The following CIC variants were observed in gnomAD, a reference collection of about 807,000 sequenced individuals.
CIC encodes capicua transcriptional repressor, also known as protein capicua homolog.
In CIC, 18 loss-of-function variants were observed where a neutral mutation model predicts 115.7. The ratio of observed to expected loss-of-function variants is 0.16; its 90% CI spans 0.11 to 0.23. CIC has a LOEUF of 0.23. CIC is among the 10% of genes least tolerant of loss of function. The pLI is 1.00. For synonymous variants in CIC, 1,076 were observed against 923.0 expected, an observed-to-expected ratio of 1.17 and a Z score of -3.01; for missense variants, 2,000 against 2,159.3, an observed-to-expected ratio of 0.93 and a Z score of 1.46.
At position 42,270,352 on chromosome 19, in the gene CIC, C is replaced by T. The variant is rs1015490425; in HGVS notation, c.-11+971C>T. Among the ~76,000 whole-genome samples the T allele has an allele frequency of 6.6e-6, 1 of 152,102 alleles. No homozygotes were observed. Among genetic ancestry groups the T allele is most frequent in the Non-Finnish European group, 1.5e-5 (1 of 68,008 alleles). On this transcript the variant is annotated intron_variant, in intron 1 of 20. Coordinates refer to ENST00000681038, the MANE Select transcript of CIC (RefSeq NM_001386298.1). The surrounding 1 kb of genome is among the most constrained non-coding windows in gnomAD (Gnocchi z 4.1). ...AGTGAGAGAGCATGAGGTCAAGGGT[C>T]CCCCAGTAGCTGGAAGACTGAGTCG...
intron 2 of CIC, among the ~76,000 whole-genome samples, chr19:42,281,695 G>A (rs1442811658): frequency 6.6e-6 from 1 of 152,142 alleles, no homozygotes; most frequent in East Asian, 1.9e-4. Context: ...CTGGCCCAGC[G>A]CCCAGGGCAG....
chr19:42,291,865 TC>T (rs1398961761), intron 12 of CIC, 120 bp downstream of exon 12: 6 of 1,372,784 alleles, frequency 4.4e-6, no homozygotes, highest in Non-Finnish European at 6.2e-6. Context: ...CTTGCCATCT[TC>T]CGTGATGTCT....
At chr19:42,292,536 G>T in intron 14 of CIC, 30 bp from the exon 15 acceptor site, 1 of 1,612,340 alleles carries the variant, frequency 6.2e-7, no homozygotes, top group African/African-American at 1.3e-5. Context: ...CCCTAACTTG[G>T]TCTCCTGCTT....
In CIC at chr19:42,294,810, T is replaced by C; in HGVS notation, c.7187-14T>C. On this transcript the variant is annotated splice_polypyrimidine_tract_variant and intron_variant, in intron 20 of 20. Coordinates refer to ENST00000681038, the MANE Select transcript of CIC (RefSeq NM_001386298.1). ...CATCTCATCCTGTGCTCCCCACCGT[T>C]TTTCTATCTCCAGCCCAGGCCACAG... is the stretch of plus-strand genomic sequence containing the variant. 1 of 1,604,820 alleles carries C rather than the reference T, an allele frequency of 6.2e-7. No individual in the cohort carries two copies.
At chr19:42,294,134 C>T (rs2038351179) in intron 18 of CIC, 39 bp from the exon 19 acceptor site, 2 of 1,613,850 alleles carry the variant, frequency 1.2e-6, no homozygotes, top group Non-Finnish European at 1.7e-6. Flanking sequence ...GGAGGGCAGA[C>T]TGGGGCCACC....
intron 2 of CIC, among the ~76,000 whole-genome samples, chr19:42,278,545 G>A (rs1232406831): frequency 6.6e-6 from 1 of 152,156 alleles, no homozygotes. Context: ...CCTCGTCTGA[G>A]CTTTCAGCCC....
At position 42,287,733 on chromosome 19, in the gene CIC, G is replaced by T; in HGVS notation, c.3492+6G>T. On this transcript the variant is annotated splice_donor_region_variant and intron_variant, in intron 6 of 20. Coordinates refer to ENST00000681038, the MANE Select transcript of CIC (RefSeq NM_001386298.1). The surrounding 1 kb of genome is among the most constrained non-coding windows in gnomAD (Gnocchi z 8.7). ...ACCACGACCTGGCCTTCCAGGTAAC[G>T]CTGTTGCCTCTTGGCTCCTCCCAGC... 6.2e-7 allele frequency: 1 copy of T among 1,614,172 alleles called. No homozygotes were observed. Among genetic ancestry groups the T allele is most frequent in the Non-Finnish European group, 8.5e-7 (1 of 1,180,026 alleles).
rs1050416819 is a variant in CIC at position 42,287,693 on chromosome 19, A to T, written c.3458A>T (p.Lys1153Met). Reference protein sequence around the residue: ...LGEWWYALGPKEKQKYHDLAF... With the variant: ...LGEWWYALGPMEKQKYHDLAF... ...GAGTGGTGGTATGCCCTGGGGCCCAAGGAGAAGCAGAAGTACCACGACCTG... is the reference window on the plus strand; with the variant it reads ...GAGTGGTGGTATGCCCTGGGGCCCATGGAGAAGCAGAAGTACCACGACCTG... Residue 1153 changes from lysine (K) to methionine (M), a missense_variant, in exon 6 of 21, where the codon AAG (lysine) becomes ATG (methionine). This residue lies in a region of CIC where 22 missense variants were observed against 93.8 expected (regional missense o/e 0.23). Coordinates refer to ENST00000681038, the MANE Select transcript of CIC (RefSeq NM_001386298.1). This position sits in a 1 kb window ranked among gnomAD's most constrained non-coding sequence, Gnocchi z 8.7. 6.2e-7 allele frequency: 1 copy of T among 1,614,024 alleles called. No homozygotes were observed. Among genetic ancestry groups the T allele is most frequent in the African/African-American group, 1.3e-5 (1 of 74,944 alleles).
Position 42,292,375 on chromosome 19 carries a change from A to G in CIC, c.5811A>G (p.Thr1937=), listed in dbSNP as rs141843292. The change falls in exon 14 of 21, where the codon ACA becomes ACG. Residue 1937 remains threonine (T), a synonymous_variant. Transcript: ENST00000681038. ...GCCCTGCGTCCAGCCAGGCTGGAAC[A>G]GTCACCTCGTACGGGCCCACGAGCT... ...GTSPASSQAG[T]VTSYGPTSSV... 1.2e-4 allele frequency: 201 copies of G among 1,612,862 alleles called. No homozygotes were observed. The highest frequency in any genetic ancestry group is 9.7e-4 in the Admixed American group (58 of 60,026).
intron 2 of CIC, among the ~76,000 whole-genome samples, chr19:42,283,679 C>T (rs894459316): frequency 6.6e-5 from 10 of 152,000 alleles, no homozygotes; most frequent in African/African-American, 2.4e-4. Context: ...CCGAGCCGCG[C>T]GTGAGCGTGT....
rs2037173485 is a variant in CIC at position 42,280,364 on chromosome 19, G to A, written c.2794+5787G>A. 6.6e-6 allele frequency among the ~76,000 whole-genome samples: 1 copy of A among 152,146 alleles called. No individual in the cohort carries two copies. On this transcript the variant is annotated intron_variant, in intron 2 of 20. Coordinates refer to ENST00000681038, the MANE Select transcript of CIC (RefSeq NM_001386298.1). This position sits in a 1 kb window ranked among gnomAD's most constrained non-coding sequence, Gnocchi z 4.9. Reference sequence around the variant, plus strand: ...GTCGGGGAAACCGGGTGCTCCGGGGGCTGTGTAGAAGCGGACTGGCACCCA... The same window carrying A: ...GTCGGGGAAACCGGGTGCTCCGGGGACTGTGTAGAAGCGGACTGGCACCCA...
In CIC at chr19:42,290,378, C is replaced by T. The variant is rs1334480031; in HGVS notation, c.4337C>T (p.Ser1446Phe). 2 of 1,614,128 alleles carry T rather than the reference C, an allele frequency of 1.2e-6. No individual in the cohort carries two copies. Among genetic ancestry groups the T allele is most frequent in the Non-Finnish European group, 1.7e-6 (2 of 1,179,986 alleles). Residue 1446 changes from serine (S) to phenylalanine (F), a missense_variant, in exon 11 of 21, where the codon TCC becomes TTC. Ser to Phe is a radical substitution (Grantham distance 155). Coordinates refer to ENST00000681038, the MANE Select transcript of CIC (RefSeq NM_001386298.1). ...GYGSAPSSSA[S>F]SPASSSASAA... is the part of the protein sequence containing the mutation. ...GGTTCCGCCCCATCCTCCTCTGCGTCCTCGCCTGCTTCCTCCTCAGCCTCG... is the reference window on the plus strand; with the variant it reads ...GGTTCCGCCCCATCCTCCTCTGCGTTCTCGCCTGCTTCCTCCTCAGCCTCG...
chr19:42,289,930 G>A lies in CIC; in HGVS notation c.4170G>A (p.Gly1390=). The part of the protein sequence containing the change: ...VTDSESGDSS[G]EDPEGNKGFG... ...ACAGCGAGAGTGGGGACAGCTCTGG[G>A]GAGGACCCAGAGGGCAACAAGGTGA... is the stretch of plus-strand genomic sequence containing the variant. The change falls in exon 10 of 21, where the codon GGG becomes GGA. Residue 1390 remains glycine, a synonymous_variant. Transcript: ENST00000681038. The A allele has an allele frequency of 1.2e-6, 2 of 1,607,302 alleles. No homozygotes were observed. Among genetic ancestry groups the A allele is most frequent in the Non-Finnish European group, 8.5e-7 (1 of 1,177,104 alleles).
chr19:42,269,457 G>C lies in CIC; in HGVS notation c.-11+76G>C, dbSNP rs1314569888. Reference sequence around the variant, plus strand: ...GGGGCCGAGAGGGGACAGGTGGCAGGGACGGGGAGGGGGTACAGGGGGAAA... The same window carrying C: ...GGGGCCGAGAGGGGACAGGTGGCAGCGACGGGGAGGGGGTACAGGGGGAAA... On this transcript the variant is annotated intron_variant, in intron 1 of 20. Transcript: ENST00000681038. 7.5e-5 allele frequency: 10 copies of C among 132,830 alleles called. 1 individual carries two copies. The highest frequency in any genetic ancestry group is 1.6e-4 in the Non-Finnish European group (10 of 61,474). The allele number at this position is 132,830 out of a possible 1,614,324, so 8.2% of individuals were successfully genotyped here. A position where few individuals can be genotyped will look rare whatever the true frequency, so the allele number is the denominator to read the frequency against.
Position 42,295,143 on chromosome 19 carries a change from G to GGGGGCCCCCCCCCCCCC in CIC, c.7506_7507insGGGGCCCCCCCCCCCCC (p.Pro2503GlyfsTer32). ...AGCCTGGCTGGGAGGGGGCTCCCCAGCCCTCCCCCCCACCCCCAGGTCCCT... is the reference window on the plus strand; with the variant it reads ...AGCCTGGCTGGGAGGGGGCTCCCCAGGGGGCCCCCCCCCCCCCCCCTCCCCCCCACCCCCAGGTCCCT... On this transcript the variant is annotated frameshift_variant, in exon 21 of 21. Coordinates refer to ENST00000681038, the MANE Select transcript of CIC (RefSeq NM_001386298.1). LOFTEE classifies it high-confidence loss of function. The GGGGGCCCCCCCCCCCCC allele has an allele frequency of 1.9e-5, 26 of 1,382,608 alleles. No homozygotes were observed. The highest frequency in any genetic ancestry group is 4.1e-5 in the South Asian group (3 of 73,376). The allele number at this position is 1,382,608 out of a possible 1,614,324, so 85.6% of individuals were successfully genotyped here. A position where few individuals can be genotyped will look rare whatever the true frequency, so the allele number is the denominator to read the frequency against.
At position 42,273,901 on chromosome 19, in the gene CIC, C is replaced by T. The variant is rs1226173234; in HGVS notation, c.2118C>T (p.Thr706=). Residue 706 remains threonine, a synonymous_variant, in exon 2 of 21, where the codon ACC becomes ACT. Transcript: ENST00000681038. ...CCTTCCAGACCAACCTGACCTTCAC[C>T]GTGCCCATCAGCCCTGGGCGACGGA... ...LPTFQTNLTF[T]VPISPGRRKT... 5 of 398,508 alleles carry T rather than the reference C, an allele frequency of 1.3e-5. No homozygotes were observed. The highest frequency in any genetic ancestry group is 3.6e-5 in the East Asian group (1 of 28,062). The allele number at this position is 398,508 out of a possible 1,614,324, so 24.7% of individuals were successfully genotyped here.
At position 42,287,461 on chromosome 19, in the gene CIC, C is replaced by G; in HGVS notation, c.3309+12C>G. 6 of 1,612,726 alleles carry G rather than the reference C, an allele frequency of 3.7e-6. No homozygotes were observed. Among genetic ancestry groups the G allele is most frequent in the Non-Finnish European group, 5.1e-6 (6 of 1,180,034 alleles). On this transcript the variant is annotated intron_variant, in intron 5 of 20. Transcript: ENST00000681038. The surrounding 1 kb of genome is among the most constrained non-coding windows in gnomAD (Gnocchi z 8.7). ...GCAGCCCCAACAAGGTACTTTATCCCTGCCTGTCCTGTGCTCACCCCGTGG... is the reference window on the plus strand; with the variant it reads ...GCAGCCCCAACAAGGTACTTTATCCGTGCCTGTCCTGTGCTCACCCCGTGG...
In CIC at chr19:42,274,436, G is replaced by A. The variant is rs1003787828; in HGVS notation, c.2653G>A (p.Ala885Thr). ...AACTGCCGTGGCCCAGCCGATGCCC[G>A]CCTTTGGCCTGGCTTCTTCACCCTT... ...APTAVAQPMP[A>T]FGLASSPFQP... The change falls in exon 2 of 21, where the codon GCC (alanine) becomes ACC (threonine). Residue 885 changes from alanine (A) to threonine (T), a missense_variant. Ala to Thr is a moderately conservative substitution (Grantham distance 58). Coordinates refer to ENST00000681038, the MANE Select transcript of CIC (RefSeq NM_001386298.1). The A allele has an allele frequency of 2.5e-5, 10 of 398,852 alleles. No individual in the cohort carries two copies. The highest frequency in any genetic ancestry group is 2.2e-4 in the Admixed American group (5 of 22,724). 24.7% of individuals were successfully genotyped at this position (398,852 alleles called of 1,614,324 possible).
rs2147184537 is a variant in CIC, at chr19:42,287,220, A to G, written c.3159A>G (p.Thr1053=). 1 of 1,613,808 alleles carries G rather than the reference A, an allele frequency of 6.2e-7. No individual in the cohort carries two copies. Residue 1053 remains threonine, a synonymous_variant, in exon 4 of 21, where the codon ACA becomes ACG. Transcript: ENST00000681038. The surrounding 1 kb of genome is among the most constrained non-coding windows in gnomAD (Gnocchi z 8.7). ...PPGEPRLDSE[T]ESDHDDAFLS... ...GAGAGCCCCGGCTGGACAGTGAGAC[A>G]GAGAGTGACCATGATGATGCGTGAG... is the stretch of plus-strand genomic sequence containing the variant.
Sources: allele counts gnomAD v4.1 joint callset (sites outside exome capture counted in the v4.1 genomes callset), GRCh38; gene constraint gnomAD v4.1.1; regional missense constraint gnomAD v4.1.1; non-coding constraint Gnocchi (gnomAD v3.1); transcripts MANE v1.5; gene names NCBI Gene and HGNC (gene_info 2026-07-23, HGNC 2026-07-21).